The following ASAP3 variants were observed in gnomAD, a reference collection of about 807,000 sequenced individuals.
The protein encoded by ASAP3 is ArfGAP with SH3 domain, ankyrin repeat and PH domain 3.
ASAP3 carries 85 observed loss-of-function variants against 118.2 expected under a neutral mutation model. That is an observed-to-expected ratio of 0.72 (90% CI 0.60 to 0.86). The LOEUF is 0.86. ASAP3 is among the 40% of genes least tolerant of loss of function. The pLI is 0.00. For missense variants in ASAP3, 1,026 were observed against 1,175.0 expected (o/e 0.87, Z 1.85); for synonymous variants, 432 against 477.4 (o/e 0.90, Z 1.24).
At chr1:23,482,033 A>C (rs1332417853) in intron 1 of ASAP3, among the ~76,000 whole-genome samples, 3 of 152,218 alleles carry the variant, frequency 2.0e-5, no homozygotes, top group African/African-American at 7.2e-5. Context: ...GACTCTGCCC[A>C]AGGAAGGAAG....
chr1:23,440,891 ATTC>A (rs201462095), intron 10 of ASAP3, among the ~76,000 whole-genome samples: 5,162 of 150,318 alleles, frequency 0.034, 131 homozygotes, highest in Middle Eastern at 0.12. Context: ...AGCTACTGCT[ATTC>A]TTCTTCTTTA....
chr1:23,474,873 G>A (rs1642077153), intron 1 of ASAP3, among the ~76,000 whole-genome samples: 2 of 152,116 alleles, frequency 1.3e-5, no homozygotes, highest in Admixed American at 6.6e-5. Flanking sequence ...GTGGGCCACC[G>A]CGCCCAGCCC....
At chr1:23,432,416 A>G (rs1279417643) in intron 22 of ASAP3, among the ~76,000 whole-genome samples, 1 of 151,914 alleles carries the variant, frequency 6.6e-6, no homozygotes, top group Non-Finnish European at 1.5e-5. Context: ...ATGCTGACTC[A>G]CTTTTTTGCT....
chr1:23,450,182 G>C (rs1282650676), intron 5 of ASAP3, among the ~76,000 whole-genome samples: 1 of 152,236 alleles, frequency 6.6e-6, no homozygotes, highest in Non-Finnish European at 1.5e-5. Flanking sequence ...CGGTGCCATG[G>C]CTCTGGGAGC....
chr1:23,436,110 GCT>G lies in ASAP3; in HGVS notation c.1572-84_1572-83del. 6.8e-7 allele frequency: 1 copy of G among 1,473,824 alleles called. No homozygotes were observed. The highest frequency in any genetic ancestry group is 9.4e-7 in the Non-Finnish European group (1 of 1,062,460). 91.3% of individuals were successfully genotyped at this position (1,473,824 alleles called of 1,614,324 possible). On this transcript the variant is annotated intron_variant, in intron 16 of 24. Coordinates refer to ENST00000336689, the MANE Select transcript of ASAP3 (RefSeq NM_017707.4). The surrounding 1 kb of genome is among the most constrained non-coding windows in gnomAD (Gnocchi z 4.2). ...CTGGGGCCCTCCCACAGGAGATACA[GCT>G]CTCTTTTTCTCCAGAACCATGTCCT...
chr1:23,430,252 G>T (rs1243722862), intron 24 of ASAP3, among the ~76,000 whole-genome samples: 2 of 152,180 alleles, frequency 1.3e-5, no homozygotes, highest in Non-Finnish European at 2.9e-5. Context: ...GACTAAAGAT[G>T]ACGATTCCCC....
chr1:23,464,700 T>C (rs1641710233), intron 1 of ASAP3, among the ~76,000 whole-genome samples: 2 of 136,588 alleles, frequency 1.5e-5, no homozygotes, highest in African/African-American at 5.6e-5. Context: ...AAAAATCAGC[T>C]TCTGGGTTCA....
intron 1 of ASAP3, among the ~76,000 whole-genome samples, chr1:23,476,214 C>T (rs1010593334): frequency 5.3e-5 from 8 of 151,898 alleles, no homozygotes; most frequent in Admixed American, 3.9e-4. Context: ...GGTGTGGTAG[C>T]GGGCGCCTGT....
chr1:23,444,358 T>C (rs929729872), intron 5 of ASAP3, among the ~76,000 whole-genome samples: 1 of 152,180 alleles, frequency 6.6e-6, no homozygotes, highest in Non-Finnish European at 1.5e-5. Flanking sequence ...TATTTCCACA[T>C]CTCAGGCTGG....
Position 23,438,648 on chromosome 1 carries a change from T to C in ASAP3, c.1102+99A>G. ...AGCAATTCGACACCATGTGTGGAAC[T>C]GGACACAGACCCCTCACTGAAGCCC... On this transcript the variant is annotated intron_variant, in intron 12 of 24. Coordinates refer to ENST00000336689, the MANE Select transcript of ASAP3 (RefSeq NM_017707.4). This position sits in a 1 kb window ranked among gnomAD's most constrained non-coding sequence, Gnocchi z 4.9. 9.7e-7 allele frequency: 1 copy of C among 1,028,596 alleles called. No individual in the cohort carries two copies. Among genetic ancestry groups the C allele is most frequent in the Admixed American group, 2.0e-5 (1 of 49,036 alleles). The allele number at this position is 1,028,596 out of a possible 1,614,324, so 63.7% of individuals were successfully genotyped here.
intron 17 of ASAP3, 91 bp downstream of exon 17, chr1:23,435,759 TG>T: frequency 7.1e-7 from 1 of 1,401,470 alleles, no homozygotes; most frequent in Non-Finnish European, 1.0e-6. Flanking sequence ...ATGTCAGAGG[TG>T]GGGTGGAGGG....
intron 8 of ASAP3, 39 bp downstream of exon 8, chr1:23,441,616 G>C (rs769466661): frequency 1.2e-5 from 20 of 1,611,490 alleles, no homozygotes; most frequent in Non-Finnish European, 1.6e-5. Context: ...GGAAGGACAG[G>C]GGGCTTGATC....
At chr1:23,460,448 A>G (rs1047702417) in intron 1 of ASAP3, among the ~76,000 whole-genome samples, 2 of 146,614 alleles carry the variant, frequency 1.4e-5, no homozygotes, top group African/African-American at 5.0e-5. Flanking sequence ...CGGAGGTTGC[A>G]GTGAGCTGAG....
rs1346290058 is a variant in ASAP3 at position 23,442,461 on chromosome 1, C to A, written c.585+40G>T. 2.5e-6 allele frequency: 4 copies of A among 1,603,754 alleles called. No individual in the cohort carries two copies. The African/African-American group carries it at 5.3e-5, about 21-fold the overall frequency. ...CCCTGGAGAGGCAGACAGGAAGACA[C>A]ATCCCACGCCCCCCCTCCCTCATCC... On this transcript the variant is annotated intron_variant, in intron 6 of 24. Coordinates refer to ENST00000336689, the MANE Select transcript of ASAP3 (RefSeq NM_017707.4).
chr1:23,442,179 T>C lies in ASAP3; in HGVS notation c.671+7A>G, dbSNP rs1056573176. On this transcript the variant is annotated splice_region_variant and intron_variant, in intron 7 of 24. Transcript: ENST00000336689. ...GGTTAGTGGCAGGGACGCGGGAAGATACCTACTTGTGCTGGGCGTGGAAGA... is the reference window on the plus strand; with the variant it reads ...GGTTAGTGGCAGGGACGCGGGAAGACACCTACTTGTGCTGGGCGTGGAAGA... The C allele has an allele frequency of 1.9e-6, 3 of 1,592,372 alleles. No homozygotes were observed. The East Asian group carries it at 6.8e-5, about 36-fold the overall frequency.
chr1:23,464,179 C>CAA (rs538178084), intron 1 of ASAP3, among the ~76,000 whole-genome samples: 1 of 139,892 alleles, frequency 7.1e-6, no homozygotes, highest in Non-Finnish European at 1.6e-5. Flanking sequence ...CGATCTATAC[C>CAA]AAAAAAAAAA....
Position 23,433,229 on chromosome 1 carries a change from C to T in ASAP3, c.2171G>A (p.Gly724Glu), listed in dbSNP as rs1558105763. The change falls in exon 22 of 25, where the codon GGG becomes GAG. Residue 724 changes from glycine (G) to glutamate (E), a missense_variant. Transcript: ENST00000336689. ...KLPAQAHWAS[G>E]RLDISNKTYE... ...GGTCTTGTTGCTGATGTCCAGCCTCCCACTGGCCCAGTGAGCCTGGGCCGG... is the reference window on the plus strand; with the variant it reads ...GGTCTTGTTGCTGATGTCCAGCCTCTCACTGGCCCAGTGAGCCTGGGCCGG... The T allele has an allele frequency of 4.3e-6, 7 of 1,612,590 alleles. No individual in the cohort carries two copies. Among genetic ancestry groups the T allele is most frequent in the Non-Finnish European group, 5.9e-6 (7 of 1,179,120 alleles).
At chr1:23,460,759 C>T (rs981897679) in intron 1 of ASAP3, among the ~76,000 whole-genome samples, 2 of 152,174 alleles carry the variant, frequency 1.3e-5, no homozygotes, top group African/African-American at 4.8e-5. Context: ...CATACCTGCA[C>T]ACGGATGTTT....
At chr1:23,462,314 G>A (rs1167961819) in intron 1 of ASAP3, among the ~76,000 whole-genome samples, 1 of 149,626 alleles carries the variant, frequency 6.7e-6, no homozygotes, top group Non-Finnish European at 1.5e-5. Context: ...GTGAGCCACC[G>A]CGCCCGGCCA....
Sources: allele counts gnomAD v4.1 joint callset (sites outside exome capture counted in the v4.1 genomes callset), GRCh38; gene constraint gnomAD v4.1.1; non-coding constraint Gnocchi (gnomAD v3.1); transcripts MANE v1.5; gene names NCBI Gene and HGNC (gene_info 2026-07-23, HGNC 2026-07-21).